The following VPS41 variants were observed in gnomAD, a reference collection of about 807,000 sequenced individuals.
VPS41 encodes VPS41 subunit of HOPS complex, also known as vacuolar protein sorting-associated protein 41 homolog.
A neutral mutation model predicts 130.9 loss-of-function variants in VPS41; 85 were observed. The observed-to-expected ratio is 0.65, with a 90% CI of 0.55 to 0.78. The LOEUF (loss-of-function observed/expected upper bound fraction) is 0.78. VPS41 is among the 30% of genes least tolerant of loss of function. VPS41 has a pLI of 0.00. For synonymous variants in VPS41, 335 were observed against 332.9 expected (o/e 1.01, Z -0.07); for missense variants, 874 against 1,018.7 (o/e 0.86, Z 1.93).
At chr7:38,808,547 T>C (rs2116051293) in intron 7 of VPS41, among the ~76,000 whole-genome samples, 2 of 152,352 alleles carry the variant, frequency 1.3e-5, no homozygotes, top group South Asian at 4.1e-4. Context: ...AACCGTTAGA[T>C]TGGTGGCTGC....
intron 2 of VPS41, among the ~76,000 whole-genome samples, chr7:38,886,936 C>T (rs748573654): frequency 1.3e-5 from 2 of 152,180 alleles, no homozygotes; most frequent in Non-Finnish European, 2.9e-5. Flanking sequence ...GCTGAGGGGC[C>T]TGTCTGTTAG....
chr7:38,909,150 T>TTACC lies in VPS41; in HGVS notation c.21_21+3dup, dbSNP rs756427026. On this transcript the variant is annotated splice_donor_region_variant and intron_variant, in intron 1 of 28. Transcript: ENST00000310301. ...TGCCCTCAACTACCACCTGCACCCT[T>TTACC]TACCTGCTCCTCTGCTTCCGCCATG... is the stretch of plus-strand genomic sequence containing the variant. The TTACC allele has an allele frequency of 6.2e-7, 1 of 1,614,214 alleles. No homozygotes were observed. The highest frequency in any genetic ancestry group is 1.3e-5 in the African/African-American group (1 of 75,060).
chr7:38,727,002 C>T lies in VPS41; in HGVS notation c.2405-14G>A. The T allele has an allele frequency of 6.6e-7, 1 of 1,524,802 alleles. No homozygotes were observed. Among genetic ancestry groups the T allele is most frequent in the Non-Finnish European group, 8.8e-7 (1 of 1,135,742 alleles). 94.5% of individuals were successfully genotyped at this position (1,524,802 alleles called of 1,614,324 possible). A position where few individuals can be genotyped will look rare whatever the true frequency, so the allele number is the denominator to read the frequency against. On this transcript the variant is annotated splice_polypyrimidine_tract_variant and intron_variant, in intron 27 of 28. Coordinates refer to ENST00000310301, the MANE Select transcript of VPS41 (RefSeq NM_014396.4). ...GCTTAGCTGCATCTGGCGAGGAGGG[C>T]AGAGAAAGGAGGAGAACTTAATGCA... is the stretch of plus-strand genomic sequence containing the variant.
At chr7:38,886,019 C>T (rs6974764) in intron 2 of VPS41, among the ~76,000 whole-genome samples, 141,735 of 152,042 alleles carry the variant, frequency 0.93, 66,214 homozygotes, top group East Asian at 1. Flanking sequence ...CTTTTTAAAA[C>T]GAAGAGTCGT....
intron 12 of VPS41, among the ~76,000 whole-genome samples, chr7:38,773,114 T>A (rs535228802): frequency 6.6e-6 from 1 of 152,194 alleles, no homozygotes; most frequent in Non-Finnish European, 1.5e-5. Context: ...TGGTCAGCGA[T>A]AAATGTTTCC....
intron 4 of VPS41, among the ~76,000 whole-genome samples, chr7:38,840,878 T>C (rs181144804): frequency 8.5e-5 from 13 of 152,262 alleles, no homozygotes; most frequent in African/African-American, 2.9e-4. Context: ...CGGGAACAGA[T>C]AGTGAAAAGG....
At chr7:38,894,990 G>A (rs1786950411) in intron 2 of VPS41, among the ~76,000 whole-genome samples, 1 of 151,924 alleles carries the variant, frequency 6.6e-6, no homozygotes, top group Non-Finnish European at 1.5e-5. Context: ...TAGTTTCTTT[G>A]TCCATTTCTA....
intron 2 of VPS41, among the ~76,000 whole-genome samples, chr7:38,876,027 A>G (rs762126749): frequency 3.9e-5 from 6 of 152,194 alleles, no homozygotes; most frequent in Non-Finnish European, 8.8e-5. Flanking sequence ...TCTCAGCCAG[A>G]GGTGATTTTT....
intron 2 of VPS41, among the ~76,000 whole-genome samples, chr7:38,888,808 G>C (rs936531457): frequency 8.5e-5 from 13 of 152,126 alleles, no homozygotes; most frequent in Non-Finnish European, 4.4e-5. Flanking sequence ...TAAAAGAACA[G>C]AAATCACAAC....
At chr7:38,797,162 G>T in intron 7 of VPS41, 1 of 212,282 alleles carries the variant, frequency 4.7e-6, no homozygotes, top group African/African-American at 2.3e-5. Context: ...TTAATCAAAA[G>T]ATTTGTATCG....
intron 25 of VPS41, among the ~76,000 whole-genome samples, chr7:38,735,077 A>C (rs1795737252): frequency 6.6e-6 from 1 of 152,250 alleles, no homozygotes; most frequent in African/African-American, 2.4e-5. Flanking sequence ...AATAGCACAA[A>C]GTATGGATGT....
chr7:38,884,610 T>C (rs935665393), intron 2 of VPS41, among the ~76,000 whole-genome samples: 1 of 152,164 alleles, frequency 6.6e-6, no homozygotes, highest in African/African-American at 2.4e-5. Flanking sequence ...CCACCTCGGC[T>C]TCCCAATGTG....
chr7:38,728,362 C>T (rs957453722), intron 27 of VPS41, 180 bp downstream of exon 27: 8 of 766,476 alleles, frequency 1.0e-5, no homozygotes, highest in African/African-American at 1.7e-5. Context: ...AGAACCTCAG[C>T]TCTAAGCAAT....
chr7:38,860,916 A>G (rs1786096532), intron 4 of VPS41, among the ~76,000 whole-genome samples: 1 of 152,102 alleles, frequency 6.6e-6, no homozygotes, highest in African/African-American at 2.4e-5. Context: ...AAGGTAAACA[A>G]ACACACAAAA....
chr7:38,817,032 A>G lies in VPS41; in HGVS notation c.450+785T>C, dbSNP rs1312748712. ...GTTGGAATCATAGGAGTGAGCCACC[A>G]TTATGCCCAGTCCAATCTCTTATTT... On this transcript the variant is annotated intron_variant, in intron 7 of 28. Coordinates refer to ENST00000310301, the MANE Select transcript of VPS41 (RefSeq NM_014396.4). Among the ~76,000 whole-genome samples, 4 of 152,336 alleles carry G rather than the reference A, an allele frequency of 2.6e-5. No homozygotes were observed. In the East Asian group the frequency reaches 5.8e-4, roughly 22 times the overall value.
intron 25 of VPS41, among the ~76,000 whole-genome samples, chr7:38,730,374 C>T (rs1032299793): frequency 1.3e-5 from 2 of 152,108 alleles, no homozygotes; most frequent in East Asian, 1.9e-4. Context: ...TGAATCCAGC[C>T]GAAAGCCTTT....
chr7:38,815,036 G>A (rs563660720), intron 7 of VPS41, among the ~76,000 whole-genome samples: 1 of 152,226 alleles, frequency 6.6e-6, no homozygotes, highest in African/African-American at 2.4e-5. Context: ...AGCCACTCTT[G>A]AATTTTCTAA....
chr7:38,779,333 T>C (rs1312081107), intron 10 of VPS41, among the ~76,000 whole-genome samples: 1 of 152,218 alleles, frequency 6.6e-6, no homozygotes, highest in Non-Finnish European at 1.5e-5. Flanking sequence ...ATTATGTCTT[T>C]CTTTTTGTTA....
At chr7:38,876,900 T>C (rs949546932) in intron 2 of VPS41, among the ~76,000 whole-genome samples, 2 of 151,812 alleles carry the variant, frequency 1.3e-5, no homozygotes, top group African/African-American at 4.8e-5. Context: ...TTAGTTTATA[T>C]TGGGAAAGCG....
Sources: allele counts gnomAD v4.1 joint callset (sites outside exome capture counted in the v4.1 genomes callset), GRCh38; gene constraint gnomAD v4.1.1; transcripts MANE v1.5; gene names NCBI Gene and HGNC (gene_info 2026-07-23, HGNC 2026-07-21).